TRPM1: variants seen among roughly 807,000 people sequenced by gnomAD.
TRPM1 encodes TRPM1-203 APA Isoform, Intron 10.
TRPM1 carries 113 observed loss-of-function variants against 149.4 expected under a neutral mutation model. The observed-to-expected ratio is 0.76, with a 90% CI of 0.65 to 0.88. The LOEUF (loss-of-function observed/expected upper bound fraction) is 0.88. TRPM1 is among the 40% of genes least tolerant of loss of function. The pLI, the probability that TRPM1 is intolerant of heterozygous loss-of-function variation, is 0.00. For synonymous variants in TRPM1, 741 were observed against 759.5 expected (o/e 0.98, Z 0.40); for missense variants, 1,976 against 2,038.7 (o/e 0.97, Z 0.59).
chr15:31,061,108 C>G (rs547723271), intron 10 of TRPM1, among the ~76,000 whole-genome samples: 1 of 152,184 alleles, frequency 6.6e-6, no homozygotes, highest in South Asian at 2.1e-4. Flanking sequence ...AGAACCAAGA[C>G]GGGGAAATTG....
chr15:31,024,458 T>C (rs1048949587), intron 27 of TRPM1, among the ~76,000 whole-genome samples: 2 of 152,066 alleles, frequency 1.3e-5, no homozygotes, highest in Non-Finnish European at 2.9e-5. Flanking sequence ...CCAAGGGAAA[T>C]GGAGGGGCAA....
Position 31,149,558 on chromosome 15 carries a change from C to T in TRPM1, c.54+11348G>A, listed in dbSNP as rs192098867. Among the ~76,000 whole-genome samples the T allele has an allele frequency of 3.3e-3, 422 of 126,576 alleles. 1 individual carries two copies. Among genetic ancestry groups the T allele is most frequent in the Non-Finnish European group, 5.1e-3 (322 of 62,866 alleles). 83.0% of individuals were successfully genotyped at this position (126,576 alleles called of 152,430 possible). Reference sequence around the variant, plus strand: ...TTTTTTTTTTTGAGACGGAGTCTTTCGCCCAGGCTGGACTGCAGTGGCGCG... The same window carrying T: ...TTTTTTTTTTTGAGACGGAGTCTTTTGCCCAGGCTGGACTGCAGTGGCGCG... On this transcript the variant is annotated intron_variant, in intron 1 of 26. Coordinates refer to the TRPM1 transcript ENST00000542188.
intron 27 of TRPM1, among the ~76,000 whole-genome samples, chr15:31,025,663 T>C (rs1050287295): frequency 1.2e-4 from 18 of 149,966 alleles, no homozygotes; most frequent in African/African-American, 4.4e-4. Context: ...CCCCTCCCAG[T>C]TCCCACTCTC....
chr15:31,010,631 A>G (rs2032151764), intron 27 of TRPM1, among the ~76,000 whole-genome samples: 1 of 152,152 alleles, frequency 6.6e-6, no homozygotes, highest in Non-Finnish European at 1.5e-5. Context: ...TTGTGGCCTG[A>G]GAATACACTT....
chr15:31,155,680 G>A (rs2036363007), intron 1 of TRPM1, among the ~76,000 whole-genome samples: 2 of 152,030 alleles, frequency 1.3e-5, no homozygotes, highest in African/African-American at 2.4e-5. Context: ...TCTCTTAAAA[G>A]GAGGGAAGGA....
At chr15:31,091,523 C>CAG (rs2035240274) in intron 1 of TRPM1, among the ~76,000 whole-genome samples, 1 of 152,156 alleles carries the variant, frequency 6.6e-6, no homozygotes, top group Non-Finnish European at 1.5e-5. Flanking sequence ...ATCCGAAGGG[C>CAG]AGGGAAGGGC....
At chr15:31,151,202 A>T (rs1207017953) in intron 1 of TRPM1, among the ~76,000 whole-genome samples, 4 of 152,154 alleles carry the variant, frequency 2.6e-5, no homozygotes, top group Non-Finnish European at 5.9e-5. Flanking sequence ...ACAATGAGAG[A>T]CTGCGACATT....
intron 27 of TRPM1, among the ~76,000 whole-genome samples, chr15:31,012,082 A>G (rs12441456): frequency 0.057 from 8,731 of 152,334 alleles, 373 homozygotes; most frequent in Admixed American, 0.13. Flanking sequence ...ACCCATCAAC[A>G]TAGATTTGTA....
intron 1 of TRPM1, among the ~76,000 whole-genome samples, chr15:31,091,018 C>T (rs2035222354): frequency 1.3e-5 from 2 of 152,286 alleles, no homozygotes; most frequent in East Asian, 1.9e-4. Context: ...ATTCAGTAAA[C>T]AGTTTTGAAG....
intron 1 of TRPM1, among the ~76,000 whole-genome samples, chr15:31,094,534 C>A (rs561955794): frequency 6.6e-6 from 1 of 151,994 alleles, no homozygotes; most frequent in Non-Finnish European, 1.5e-5. Context: ...AAAGACAACC[C>A]GATTAAAAAC....
chr15:31,067,101 C>A lies in TRPM1; in HGVS notation c.580G>T (p.Gly194Cys), dbSNP rs2034398158. Residue 194 changes from glycine to cysteine, a missense_variant, in exon 6 of 28, where the codon GGC (glycine) becomes TGC (cysteine). Coordinates refer to ENST00000256552, the MANE Select transcript of TRPM1 (RefSeq NM_001252024.2). Reference protein sequence around the residue: ...RVCAIGIAPWGIVENKEDLVG... With the variant: ...RVCAIGIAPWCIVENKEDLVG... Reference sequence around the variant, plus strand: ...AGGTCTTCCTTATTCTCCACGATGCCCCATGGAGCAATTCCTATAGCACAA... The same window carrying A: ...AGGTCTTCCTTATTCTCCACGATGCACCATGGAGCAATTCCTATAGCACAA... 1 of 1,613,984 alleles carries A rather than the reference C, an allele frequency of 6.2e-7. No homozygotes were observed. Among genetic ancestry groups the A allele is most frequent in the Non-Finnish European group, 8.5e-7 (1 of 1,180,028 alleles).
chr15:31,022,111 T>C (rs972147461), intron 27 of TRPM1, among the ~76,000 whole-genome samples: 8 of 152,254 alleles, frequency 5.3e-5, no homozygotes, highest in Non-Finnish European at 1.2e-4. Flanking sequence ...GTTGGGTCTC[T>C]GACAAAATTT....
chr15:31,117,779 C>G (rs1283968393), intron 1 of TRPM1, among the ~76,000 whole-genome samples: 1 of 151,302 alleles, frequency 6.6e-6, no homozygotes, highest in Non-Finnish European at 1.5e-5. Context: ...AAGACATAAT[C>G]AAAAGGAAAA....
rs2034712980 is a variant in TRPM1 at position 31,076,976 on chromosome 15, T to C, written c.12A>G (p.Lys4=). 5.6e-6 allele frequency: 9 copies of C among 1,611,250 alleles called. No homozygotes were observed. Among genetic ancestry groups the C allele is most frequent in the Non-Finnish European group, 7.6e-6 (9 of 1,177,456 alleles). The change falls in exon 3 of 28, where the codon AAA becomes AAG. Residue 4 remains lysine (K), a synonymous_variant. Transcript: ENST00000256552. MGQ[K]SWIEKTFCKR... ...TGCAAAAGGTTTTCTCTATCCAAGA[T>C]TTCTGACCCTGGAAGAGAGAGAGAA...
chr15:31,042,101 C>G lies in TRPM1; in HGVS notation c.1937G>C (p.Arg646Pro), dbSNP rs373203358. 1 of 1,614,208 alleles carries G rather than the reference C, an allele frequency of 6.2e-7. No individual in the cohort carries two copies. The highest frequency in any genetic ancestry group is 8.5e-7 in the Non-Finnish European group (1 of 1,180,036). ...CCAGAGGAACACTGCCATTTTCTGG[C>G]GTTTCATCAGCACTGCCCACACCAT... ...ELMVWAVLMK[R>P]QKMAVFLWQR... is the part of the protein sequence containing the mutation. Residue 646 changes from arginine (R) to proline (P), a missense_variant, in exon 17 of 28, where the codon CGC (arginine) becomes CCC (proline). Arg to Pro is a moderately radical substitution (Grantham distance 103). Around this residue, in one of 3 missense-constraint regions of TRPM1, gnomAD observed 1,332 missense variants for 1,347.1 expected, o/e 0.99. Coordinates refer to ENST00000256552, the MANE Select transcript of TRPM1 (RefSeq NM_001252024.2).
chr15:31,032,353 G>C (rs2033127818), intron 22 of TRPM1, among the ~76,000 whole-genome samples: 2 of 152,092 alleles, frequency 1.3e-5, no homozygotes. Context: ...AAGGGAGACA[G>C]TATATATTGA....
chr15:31,111,422 T>A (rs1389931400), intron 1 of TRPM1, among the ~76,000 whole-genome samples: 1 of 152,202 alleles, frequency 6.6e-6, no homozygotes, highest in African/African-American at 2.4e-5. Flanking sequence ...GATGGCAAAA[T>A]TCCCAAAATG....
intron 11 of TRPM1, among the ~76,000 whole-genome samples, chr15:31,057,585 C>T (rs73374012): frequency 0.019 from 2,960 of 152,246 alleles, 91 homozygotes; most frequent in African/African-American, 0.068. Flanking sequence ...AATAAAAGTA[C>T]AAAATGGCAT....
At chr15:31,070,712 G>A (rs2034516527) in intron 3 of TRPM1, among the ~76,000 whole-genome samples, 1 of 152,004 alleles carries the variant, frequency 6.6e-6, no homozygotes, top group Admixed American at 6.6e-5. Context: ...ACACTACCAT[G>A]CTCAGCTAGT....
Sources: allele counts gnomAD v4.1 joint callset (sites outside exome capture counted in the v4.1 genomes callset), GRCh38; gene constraint gnomAD v4.1.1; regional missense constraint gnomAD v4.1.1; transcripts MANE v1.5; gene names NCBI Gene and HGNC (gene_info 2026-07-23, HGNC 2026-07-21).